Variants in GLCCI1 observed in about 807,000 individuals in gnomAD.
GLCCI1 encodes the protein glucocorticoid-induced transcript 1 protein.
A neutral mutation model predicts 52.2 loss-of-function variants in GLCCI1; 24 were observed. The observed-to-expected ratio is 0.46, with a 90% confidence interval of 0.33 to 0.65. The LOEUF is 0.65. Ranked by LOEUF, GLCCI1 falls within the 30% of genes least tolerant of loss-of-function variation. The pLI, the probability that GLCCI1 is intolerant of heterozygous loss-of-function variation, is 0.02. For missense variants in GLCCI1, 704 were observed against 701.5 expected, an observed-to-expected ratio of 1.00 and a Z score of -0.04; for synonymous variants, 310 against 276.5, an observed-to-expected ratio of 1.12 and a Z score of -1.20.
intron 3 of GLCCI1, among the ~76,000 whole-genome samples, chr7:8,048,625 A>G (rs569062147): frequency 6.6e-6 from 1 of 152,138 alleles, no homozygotes; most frequent in Non-Finnish European, 1.5e-5. Context: ...CAGGAAGTAT[A>G]CTGTCTTAGG....
intron 3 of GLCCI1, among the ~76,000 whole-genome samples, chr7:8,033,957 T>C (rs1425634215): frequency 6.6e-6 from 1 of 152,158 alleles, no homozygotes; most frequent in Non-Finnish European, 1.5e-5. Flanking sequence ...CCGAATAATC[T>C]TGAAAACGAA....
intron 3 of GLCCI1, among the ~76,000 whole-genome samples, chr7:8,027,652 C>T (rs994884945): frequency 7.3e-5 from 11 of 151,588 alleles, no homozygotes; most frequent in Non-Finnish European, 8.8e-5. Context: ...ACTAAACTCT[C>T]CAAACAAAAG....
chr7:8,075,436 C>T (rs1782857239), intron 6 of GLCCI1, among the ~76,000 whole-genome samples: 2 of 152,184 alleles, frequency 1.3e-5, no homozygotes, highest in Non-Finnish European at 2.9e-5. Flanking sequence ...CTCATCTTGA[C>T]ATCATCAGAA....
At chr7:7,981,871 A>T (rs1780629120) in intron 1 of GLCCI1, 2 of 454,050 alleles carry the variant, frequency 4.4e-6, no homozygotes, top group Admixed American at 5.3e-5. Flanking sequence ...CAGGCAGAAG[A>T]CTCCAAGTCA....
intron 3 of GLCCI1, among the ~76,000 whole-genome samples, chr7:8,039,782 A>C (rs1048586542): frequency 5.9e-5 from 9 of 152,162 alleles, no homozygotes; most frequent in Non-Finnish European, 1.2e-4. Context: ...GGATCACTTG[A>C]GGTCAGAGGT....
At chr7:8,032,655 A>T (rs1781780262) in intron 3 of GLCCI1, among the ~76,000 whole-genome samples, 1 of 152,052 alleles carries the variant, frequency 6.6e-6, no homozygotes, top group Non-Finnish European at 1.5e-5. Flanking sequence ...AAATGGACAA[A>T]TTCCTAAAAG....
intron 3 of GLCCI1, among the ~76,000 whole-genome samples, chr7:8,039,663 T>G (rs1400236835): frequency 2.6e-5 from 4 of 152,126 alleles, no homozygotes; most frequent in African/African-American, 9.7e-5. Context: ...GATGAAAAAT[T>G]ACCTAATGGT....
intron 6 of GLCCI1, among the ~76,000 whole-genome samples, chr7:8,077,083 A>G (rs926049291): frequency 6.6e-6 from 1 of 152,180 alleles, no homozygotes; most frequent in African/African-American, 2.4e-5. Context: ...CTGTAGAAAT[A>G]AGGGGAAAGG....
chr7:8,072,523 A>G (rs1011897777), intron 6 of GLCCI1, among the ~76,000 whole-genome samples: 2 of 152,228 alleles, frequency 1.3e-5, no homozygotes, highest in African/African-American at 2.4e-5. Context: ...ATCCTGTGAG[A>G]ATAAACACCT....
At chr7:8,041,899 A>C (rs1782008491) in intron 3 of GLCCI1, among the ~76,000 whole-genome samples, 1 of 152,104 alleles carries the variant, frequency 6.6e-6, no homozygotes, top group African/African-American at 2.4e-5. Context: ...GCTGCAGCTG[A>C]TGATTTAAGC....
chr7:7,981,925 A>G (rs1397123497), intron 1 of GLCCI1: 2 of 457,232 alleles, frequency 4.4e-6, no homozygotes, highest in Non-Finnish European at 8.9e-6. Context: ...AAAACCCATC[A>G]CTGCTCTGAA....
At chr7:8,082,830 C>T (rs12702695) in intron 6 of GLCCI1, among the ~76,000 whole-genome samples, 10,352 of 152,284 alleles carry the variant, frequency 0.068, 482 homozygotes, top group Non-Finnish European at 0.1. Flanking sequence ...GATTAGCCAA[C>T]TCACATCTAG....
intron 3 of GLCCI1, among the ~76,000 whole-genome samples, chr7:8,041,925 A>G (rs1037670864): frequency 2.0e-5 from 3 of 152,240 alleles, no homozygotes; most frequent in Middle Eastern, 6.8e-3. Context: ...CTCATTTGCC[A>G]TTCTGAAAAT....
In GLCCI1 at chr7:8,060,909, T is replaced by G. The variant is rs76324449; in HGVS notation, c.966+661T>G. Among the ~76,000 whole-genome samples the G allele has an allele frequency of 9.8e-3, 1,495 of 152,300 alleles. 23 individuals are homozygous for G. Among genetic ancestry groups the G allele is most frequent in the African/African-American group, 0.035 (1,435 of 41,548 alleles). ...GGAACTGCCAGACTCTTTTCCAAAG[T>G]GTCTGCATTGTTGTATATTCCTACC... On this transcript the variant is annotated intron_variant, in intron 5 of 7. Coordinates refer to ENST00000223145, the MANE Select transcript of GLCCI1 (RefSeq NM_138426.4).
intron 6 of GLCCI1, among the ~76,000 whole-genome samples, chr7:8,081,813 C>A (rs1310011842): frequency 1.3e-5 from 2 of 152,086 alleles, no homozygotes; most frequent in African/African-American, 4.8e-5. Context: ...TTTAAAACAG[C>A]AATCACATTT....
intron 6 of GLCCI1, among the ~76,000 whole-genome samples, chr7:8,073,378 A>G (rs981990278): frequency 1.3e-5 from 2 of 152,120 alleles, no homozygotes; most frequent in Admixed American, 6.5e-5. Flanking sequence ...ATGAATTCTG[A>G]CCATTTCTTA....
intron 3 of GLCCI1, among the ~76,000 whole-genome samples, chr7:8,040,798 C>T (rs938454908): frequency 3.9e-5 from 6 of 152,170 alleles, no homozygotes; most frequent in African/African-American, 1.2e-4. Context: ...AAATGTTTAT[C>T]GCAGCATCAT....
chr7:8,045,688 T>A (rs1782106347), intron 3 of GLCCI1, among the ~76,000 whole-genome samples: 1 of 152,114 alleles, frequency 6.6e-6, no homozygotes, highest in Non-Finnish European at 1.5e-5. Context: ...TGTAACCCTA[T>A]AATATATGTA....
At chr7:8,024,333 CA>C (rs1007230310) in intron 3 of GLCCI1, among the ~76,000 whole-genome samples, 1 of 151,574 alleles carries the variant, frequency 6.6e-6, no homozygotes, top group Non-Finnish European at 1.5e-5. Context: ...TACATGTATG[CA>C]AAAAAAATCA....
Sources: allele counts gnomAD v4.1 joint callset (sites outside exome capture counted in the v4.1 genomes callset), GRCh38; gene constraint gnomAD v4.1.1; transcripts MANE v1.5; gene names NCBI Gene and HGNC (gene_info 2026-07-23, HGNC 2026-07-21).